The following TMEM129 variants were observed in gnomAD, a reference collection of about 807,000 sequenced individuals.
TMEM129 encodes the protein transmembrane protein 129, E3 ubiquitin ligase, also known as E3 ubiquitin-protein ligase TM129.
TMEM129 carries 35 observed loss-of-function variants against 34.1 expected under a neutral mutation model. The observed-to-expected ratio is 1.03, with a 90% CI of 0.78 to 1.36. The LOEUF (loss-of-function observed/expected upper bound fraction) is 1.36, where lower values mean the gene tolerates loss of function less well. Among genes scored for constraint, TMEM129 ranks in the 40% most tolerant of loss-of-function variants. The probability of loss-of-function intolerance (pLI) is 0.00; values close to 1 mark genes in which losing one functional copy is unlikely to be tolerated. For synonymous variants in TMEM129, 239 were observed against 217.3 expected (o/e 1.10, Z -0.88); for missense variants, 504 against 512.6 (o/e 0.98, Z 0.16).
Position 1,717,395 on chromosome 4 carries a change from G to A in TMEM129, c.874C>T (p.Arg292Cys), listed in dbSNP as rs1055782415. 4.8e-5 allele frequency: 74 copies of A among 1,526,548 alleles called. No homozygotes were observed. Among genetic ancestry groups the A allele is most frequent in the Non-Finnish European group, 6.0e-5 (68 of 1,128,082 alleles). 94.6% of individuals were successfully genotyped at this position (1,526,548 alleles called of 1,614,324 possible). The change falls in exon 4 of 4, where the codon CGT becomes TGT. Residue 292 changes from arginine (R) to cysteine (C), a missense_variant. Coordinates refer to ENST00000382936, the MANE Select transcript of TMEM129 (RefSeq NM_001127266.2). ...LEACIGCMQT[R>C]ASVKLVKTCQ... Reference sequence around the variant, plus strand: ...GTCTTCACCAGCTTCACGCTGGCACGTGTCTGCATGCAGCCTATGCAGGCC... The same window carrying A: ...GTCTTCACCAGCTTCACGCTGGCACATGTCTGCATGCAGCCTATGCAGGCC...
At chr4:1,719,411 CGTGGTG>C (rs1299813182) in intron 1 of TMEM129, among the ~76,000 whole-genome samples, 1 of 152,048 alleles carries the variant, frequency 6.6e-6, no homozygotes, top group East Asian at 1.9e-4. Context: ...ATTAGCCGGG[CGTGGTG>C]GCGGGCGCCT....
intron 1 of TMEM129, 155 bp from the exon 2 acceptor site, chr4:1,718,781 C>A (rs1717121838): frequency 2.8e-6 from 4 of 1,408,244 alleles, no homozygotes; most frequent in Admixed American, 6.2e-5. Context: ...CGGCCACTCT[C>A]TCCCTGCCTG....
At chr4:1,717,696 G>C in intron 2 of TMEM129, 21 bp from the exon 3 acceptor site, 1 of 1,484,682 alleles carries the variant, frequency 6.7e-7, no homozygotes, top group Non-Finnish European at 9.0e-7. Flanking sequence ...GAGAGCTGCT[G>C]GGCCCCTCTG....
rs189920440 is a variant in TMEM129, at chr4:1,719,516, C to T, written c.206-890G>A. Among the ~76,000 whole-genome samples, 879 of 152,256 alleles carry T rather than the reference C, an allele frequency of 5.8e-3. 6 individuals are homozygous for T. The highest frequency in any genetic ancestry group is 9.1e-3 in the Non-Finnish European group (617 of 68,022). ...CCTGGGTGACAGAGCGAGGCTCCGT[C>T]TCAAAAAGTAAAAATAAAAATAAAA... On this transcript the variant is annotated intron_variant, in intron 1 of 3. Transcript: ENST00000382936.
rs1222479821 is a variant in TMEM129, at chr4:1,720,609, G to A, written c.205+24C>T. The A allele has an allele frequency of 2.6e-6, 4 of 1,529,140 alleles. No homozygotes were observed. The highest frequency in any genetic ancestry group is 3.5e-6 in the Non-Finnish European group (4 of 1,141,878). The allele number at this position is 1,529,140 out of a possible 1,614,324, so 94.7% of individuals were successfully genotyped here. Reference sequence around the variant, plus strand: ...CAAGCCCTGCGCAGGAGAGGATGCGGCCGGCCGGCCCGAGCAGCCTCACCG... The same window carrying A: ...CAAGCCCTGCGCAGGAGAGGATGCGACCGGCCGGCCCGAGCAGCCTCACCG... On this transcript the variant is annotated intron_variant, in intron 1 of 3. Coordinates refer to ENST00000382936, the MANE Select transcript of TMEM129 (RefSeq NM_001127266.2). The surrounding 1 kb of genome is among the most constrained non-coding windows in gnomAD (Gnocchi z 4.4).
rs1717013960 is a variant in TMEM129 at position 1,717,300 on chromosome 4, C to T, written c.969G>A (p.Met323Ile). The change falls in exon 4 of 4, where the codon ATG becomes ATA. Residue 323 changes from methionine (M) to isoleucine (I), a missense_variant. Met to Ile is a conservative substitution (Grantham distance 10). Transcript: ENST00000382936. ...YCRPMWCLTCMGKWFASRQDP... is the reference protein window; with the variant it reads ...YCRPMWCLTCIGKWFASRQDP... ...CCTGGCGGCTGGCGAACCACTTGCC[C>T]ATGCAGGTGAGGCACCACATGGGGC... is the stretch of plus-strand genomic sequence containing the variant. 6.5e-7 allele frequency: 1 copy of T among 1,533,950 alleles called. No homozygotes were observed. The highest frequency in any genetic ancestry group is 1.4e-5 in the African/African-American group (1 of 72,902).
At chr4:1,719,044 G>A in intron 1 of TMEM129, 1 of 1,281,040 alleles carries the variant, frequency 7.8e-7, no homozygotes, top group Non-Finnish European at 1.0e-6. Context: ...TTATGTGCGA[G>A]AAAGGAAGCA....
chr4:1,717,650 G>T lies in TMEM129; in HGVS notation c.706C>A (p.Leu236Ile), dbSNP rs1004813845. 1 of 1,540,848 alleles carries T rather than the reference G, an allele frequency of 6.5e-7. No homozygotes were observed. Among genetic ancestry groups the T allele is most frequent in the African/African-American group, 1.4e-5 (1 of 72,984 alleles). Reference protein sequence around the residue: ...IWLNSTEYGELCEKLRAPIRR... With the variant: ...IWLNSTEYGEICEKLRAPIRR... ...ATGGGTGCCCGGAGCTTCTCGCAGA[G>T]CTCCCCGTACTCAGTGGAGTTCAGC... The change falls in exon 3 of 4, where the codon CTC (leucine) becomes ATC (isoleucine). Residue 236 changes from leucine (L) to isoleucine (I), a missense_variant. Leu to Ile is a conservative substitution (Grantham distance 5). Coordinates refer to ENST00000382936, the MANE Select transcript of TMEM129 (RefSeq NM_001127266.2).
Position 1,720,028 on chromosome 4 carries a change from C to T in TMEM129, c.205+605G>A, listed in dbSNP as rs1442951679. Among the ~76,000 whole-genome samples, 1 of 152,060 alleles carries T rather than the reference C, an allele frequency of 6.6e-6. No homozygotes were observed. The highest frequency in any genetic ancestry group is 1.5e-5 in the Non-Finnish European group (1 of 67,986). On this transcript the variant is annotated intron_variant, in intron 1 of 3. Transcript: ENST00000382936. The surrounding 1 kb of genome is among the most constrained non-coding windows in gnomAD (Gnocchi z 4.4). ...ATCCCCCTCCAGCCACTGCACACCC[C>T]ACCTCCCACCTGTCCGTCATCCAAT...
In TMEM129 at chr4:1,720,266, C is replaced by T. The variant is rs549327676; in HGVS notation, c.205+367G>A. Among the ~76,000 whole-genome samples, 3 of 152,244 alleles carry T rather than the reference C, an allele frequency of 2.0e-5. No individual in the cohort carries two copies. The highest frequency in any genetic ancestry group is 2.9e-5 in the Non-Finnish European group (2 of 68,046). ...TAGTGCAGTGCCACCCTCCACACAG[C>T]CCCTCCGACCCCTTCCGTTGGACTC... is the stretch of plus-strand genomic sequence containing the variant. On this transcript the variant is annotated intron_variant, in intron 1 of 3. Transcript: ENST00000382936. This position sits in a 1 kb window ranked among gnomAD's most constrained non-coding sequence, Gnocchi z 4.4.
At position 1,716,977 on chromosome 4, in the gene TMEM129, G is replaced by T; in HGVS notation, c.*203C>A. ...GGAGGTGCCCAGGACTTGTACCCTG[G>T]CTGCCAAGCAGGGTGGGGTGTTTTC... On this transcript the variant is annotated 3_prime_UTR_variant, in exon 4 of 4. Coordinates refer to ENST00000382936, the MANE Select transcript of TMEM129 (RefSeq NM_001127266.2). 1.8e-6 allele frequency: 1 copy of T among 555,550 alleles called. No homozygotes were observed. Among genetic ancestry groups the T allele is most frequent in the Non-Finnish European group, 2.8e-6 (1 of 362,266 alleles). The allele number at this position is 555,550 out of a possible 1,614,324, so 34.4% of individuals were successfully genotyped here.
rs114305353 is a variant in TMEM129 at position 1,720,065 on chromosome 4, G to C, written c.205+568C>G. Among the ~76,000 whole-genome samples, 2,897 of 151,856 alleles carry C rather than the reference G, an allele frequency of 0.019. 115 individuals are homozygous for C. Among genetic ancestry groups the C allele is most frequent in the African/African-American group, 0.066 (2,711 of 41,362 alleles). ...GTCCGTCATCCAATCAGCTGAGAGA[G>C]GGACCTTCCAGAGCCCCAGCTAGCA... On this transcript the variant is annotated intron_variant, in intron 1 of 3. Transcript: ENST00000382936. This position sits in a 1 kb window ranked among gnomAD's most constrained non-coding sequence, Gnocchi z 4.4.
intron 2 of TMEM129, 76 bp from the exon 3 acceptor site, chr4:1,717,751 A>G (rs1005351821): frequency 2.8e-6 from 4 of 1,445,478 alleles, no homozygotes; most frequent in Non-Finnish European, 3.7e-6. Context: ...CCAAGGAGTG[A>G]CAGGGCAGCT....
chr4:1,719,108 C>T, intron 1 of TMEM129: 1 of 1,195,732 alleles, frequency 8.4e-7, no homozygotes. Context: ...GCTTCAGGGC[C>T]CTGCTGGCCA....
intron 1 of TMEM129, 86 bp from the exon 2 acceptor site, chr4:1,718,712 C>T (rs989893891): frequency 2.0e-5 from 29 of 1,423,146 alleles, no homozygotes; most frequent in Non-Finnish European, 2.5e-5. Flanking sequence ...GCCCTCTGCC[C>T]GGGTTCCAGG....
intron 1 of TMEM129, chr4:1,719,273 G>T: frequency 2.2e-6 from 1 of 456,316 alleles, no homozygotes; most frequent in South Asian, 1.5e-5. Context: ...GTAACTAGGG[G>T]CCGGGTGCAG....
At chr4:1,719,740 G>A (rs1437024967) in intron 1 of TMEM129, among the ~76,000 whole-genome samples, 1 of 152,154 alleles carries the variant, frequency 6.6e-6, no homozygotes, top group Non-Finnish European at 1.5e-5. Context: ...CCTAGAAAGT[G>A]GCCTGGTCAG....
At position 1,716,872 on chromosome 4, in the gene TMEM129, A is replaced by G. The variant is rs1156525266; in HGVS notation, c.*308T>C. ...GGGGTAGACCCAGGGTCTCCAGGGA[A>G]TGGCTCGGGGGCAGACGCTGTGTCT... On this transcript the variant is annotated 3_prime_UTR_variant, in exon 4 of 4. Coordinates refer to ENST00000382936, the MANE Select transcript of TMEM129 (RefSeq NM_001127266.2). 1.8e-5 allele frequency: 6 copies of G among 335,678 alleles called. No homozygotes were observed. The highest frequency in any genetic ancestry group is 2.1e-5 in the African/African-American group (1 of 47,328). The allele number at this position is 335,678 out of a possible 1,614,324, so 20.8% of individuals were successfully genotyped here. A position where few individuals can be genotyped will look rare whatever the true frequency, so the allele number is the denominator to read the frequency against.
chr4:1,720,765 C>A lies in TMEM129; in HGVS notation c.73G>T (p.Glu25Ter). The A allele has an allele frequency of 1.3e-6, 2 of 1,590,768 alleles. No individual in the cohort carries two copies. The highest frequency in any genetic ancestry group is 1.7e-5 in the Admixed American group (1 of 57,478). ...ACCGTGAGCCCCGCCGCGTGGAACT[C>A]GTTGGGCGTGAACACGAAGCACACG... is the stretch of plus-strand genomic sequence containing the variant. ...FAVCFVFTPN[E>*]FHAAGLTVQN... The change falls in exon 1 of 4, where the codon GAG becomes TAG. Residue 25 changes from glutamate (E) to a stop codon, truncating the protein, a stop_gained. Transcript: ENST00000382936. LOFTEE classifies it high-confidence loss of function. The surrounding 1 kb of genome is among the most constrained non-coding windows in gnomAD (Gnocchi z 4.4).
Sources: allele counts gnomAD v4.1 joint callset (sites outside exome capture counted in the v4.1 genomes callset), GRCh38; gene constraint gnomAD v4.1.1; non-coding constraint Gnocchi (gnomAD v3.1); transcripts MANE v1.5; gene names NCBI Gene and HGNC (gene_info 2026-07-23, HGNC 2026-07-21).